Variants in DUOXA1 observed in about 807,000 individuals in gnomAD.
DUOXA1 encodes the protein dual oxidase maturation factor 1, also known as dual oxidase activator 1.
DUOXA1 carries 19 observed loss-of-function variants against 26.6 expected under a neutral mutation model. The observed-to-expected ratio is 0.71, with a 90% CI of 0.50 to 1.05. The LOEUF (loss-of-function observed/expected upper bound fraction) is 1.05. DUOXA1 is among the 50% of genes least tolerant of loss of function. The probability of loss-of-function intolerance (pLI) is 0.00; values close to 1 mark genes in which losing one functional copy is unlikely to be tolerated. For synonymous variants in DUOXA1, 166 were observed against 177.0 expected (o/e 0.94, Z 0.49); for missense variants, 403 against 427.5 (o/e 0.94, Z 0.51).
At chr15:45,119,709 C>T (rs979096913) in intron 8 of DUOXA1, among the ~76,000 whole-genome samples, 2 of 151,836 alleles carry the variant, frequency 1.3e-5, no homozygotes, top group African/African-American at 2.4e-5. Flanking sequence ...GAGTAGACAG[C>T]GGGACAGGAG....
intron 3 of DUOXA1, among the ~76,000 whole-genome samples, chr15:45,124,160 A>C (rs1486842137): frequency 6.6e-6 from 1 of 152,204 alleles, no homozygotes; most frequent in East Asian, 1.9e-4. Context: ...CTGACCACAC[A>C]TTGTCTTATT....
At chr15:45,122,341 G>C (rs1263533127) in intron 4 of DUOXA1, 99 bp from the exon 5 acceptor site, 2 of 1,163,896 alleles carry the variant, frequency 1.7e-6, no homozygotes, top group Non-Finnish European at 2.5e-6. Flanking sequence ...TTCTAAAGCT[G>C]AGATCACTTG....
rs1894707520 is a variant in DUOXA1, at chr15:45,117,373, T to C, written c.*1733A>G. ...CAGGATTCACACCGGGTGTGCACTTTCCAGTTTACAGAATGAATTCACATC... is the reference window on the plus strand; with the variant it reads ...CAGGATTCACACCGGGTGTGCACTTCCCAGTTTACAGAATGAATTCACATC... On this transcript the variant is annotated 3_prime_UTR_variant, in exon 9 of 9. Coordinates refer to ENST00000560572, the MANE Select transcript of DUOXA1 (RefSeq NM_001276266.2). The C allele has an allele frequency of 1.3e-5, 19 of 1,507,838 alleles. No individual in the cohort carries two copies. Among genetic ancestry groups the C allele is most frequent in the South Asian group, 5.2e-5 (4 of 76,578 alleles). The allele number at this position is 1,507,838 out of a possible 1,614,324, so 93.4% of individuals were successfully genotyped here.
chr15:45,124,081 T>A (rs1267321273), intron 3 of DUOXA1, among the ~76,000 whole-genome samples: 1 of 152,096 alleles, frequency 6.6e-6, no homozygotes, highest in African/African-American at 2.4e-5. Context: ...ATGATCCCAG[T>A]TTTCCTCATT....
At position 45,118,080 on chromosome 15, in the gene DUOXA1, A is replaced by T; in HGVS notation, c.*1026T>A. The T allele has an allele frequency of 6.5e-7, 1 of 1,528,734 alleles. No homozygotes were observed. The highest frequency in any genetic ancestry group is 8.8e-7 in the Non-Finnish European group (1 of 1,140,180). 94.7% of individuals were successfully genotyped at this position (1,528,734 alleles called of 1,614,324 possible). A position where few individuals can be genotyped will look rare whatever the true frequency, so the allele number is the denominator to read the frequency against. On this transcript the variant is annotated 3_prime_UTR_variant, in exon 9 of 9. Transcript: ENST00000560572. ...GTCTCCTGGGGCGATCTGTAAATAA[A>T]CCTTTTTTTCTTTTGTTTTTTAAAA...
intron 3 of DUOXA1, among the ~76,000 whole-genome samples, chr15:45,127,211 G>A (rs1016964559): frequency 1.3e-5 from 2 of 152,178 alleles, no homozygotes; most frequent in Non-Finnish European, 2.9e-5. Flanking sequence ...AAGAACACAT[G>A]TGATACGCTG....
rs767386270 is a variant in DUOXA1, at chr15:45,117,921, T to A, written c.*1185A>T. On this transcript the variant is annotated 3_prime_UTR_variant, in exon 9 of 9. Coordinates refer to ENST00000560572, the MANE Select transcript of DUOXA1 (RefSeq NM_001276266.2). The stretch of plus-strand genomic sequence containing the variant: ...CCACTAACCTGTGAGGGGGACCCAA[T>A]CTGGACTCCTTCCCCGCCTTGGGAC... 6.2e-6 allele frequency: 10 copies of A among 1,613,176 alleles called. No homozygotes were observed. The highest frequency in any genetic ancestry group is 5.9e-6 in the Non-Finnish European group (7 of 1,180,006).
chr15:45,119,339 C>A lies in DUOXA1; in HGVS notation c.799G>T (p.Ala267Ser). 13 of 1,613,104 alleles carry A rather than the reference C, an allele frequency of 8.1e-6. No homozygotes were observed. The highest frequency in any genetic ancestry group is 1.1e-5 in the Non-Finnish European group (13 of 1,179,410). ...TGCATCCTGTGGGCCACCGCCATAG[C>A]CAGGCCCAGCAGCACACACAGCAGT... is the stretch of plus-strand genomic sequence containing the variant. ...TGLLCVLLGL[A>S]MAVAHRMQPH... Residue 267 changes from alanine to serine, a missense_variant, in exon 9 of 9, where the codon GCT becomes TCT. Ala to Ser is a moderately conservative substitution (Grantham distance 99, BLOSUM62 1). Transcript: ENST00000560572.
chr15:45,117,963 C>T lies in DUOXA1; in HGVS notation c.*1143G>A, dbSNP rs1366657998. ...CCTTGGGACATCGCAGGCCGGGAAG[C>T]AGTGCCCGCCAGGCCTGGGCCAGGA... On this transcript the variant is annotated 3_prime_UTR_variant, in exon 9 of 9. Coordinates refer to ENST00000560572, the MANE Select transcript of DUOXA1 (RefSeq NM_001276266.2). 26 of 1,612,726 alleles carry T rather than the reference C, an allele frequency of 1.6e-5. No homozygotes were observed. In the Middle Eastern group the frequency reaches 2.5e-3, roughly 154 times the overall value.
At position 45,119,104 on chromosome 15, in the gene DUOXA1, T is replaced by C. The variant is rs1894889157; in HGVS notation, c.*2A>G. The stretch of plus-strand genomic sequence containing the variant: ...TCCAGGTGGCCTCCACGGGGAGGAA[T>C]GTTATAAAGCACAATCAGGATCTTT... On this transcript the variant is annotated 3_prime_UTR_variant, in exon 9 of 9. Transcript: ENST00000560572. 5 of 1,572,004 alleles carry C rather than the reference T, an allele frequency of 3.2e-6. No individual in the cohort carries two copies. The East Asian group carries it at 1.1e-4, about 36-fold the overall frequency.
In DUOXA1 at chr15:45,129,605, C is replaced by G. The variant is rs1048927719; in HGVS notation, c.-292G>C. On this transcript the variant is annotated 5_prime_UTR_variant, in exon 2 of 9. Coordinates refer to ENST00000560572, the MANE Select transcript of DUOXA1 (RefSeq NM_001276266.2). This position sits in a 1 kb window ranked among gnomAD's most constrained non-coding sequence, Gnocchi z 4.1. ...GTCGGATGGGTGACTTGCTTTGACGCCTGGCCTGGTCTGTGGGTGGCAGGT... is the reference window on the plus strand; with the variant it reads ...GTCGGATGGGTGACTTGCTTTGACGGCTGGCCTGGTCTGTGGGTGGCAGGT... The G allele has an allele frequency of 1.3e-5, 2 of 153,238 alleles. No individual in the cohort carries two copies. The highest frequency in any genetic ancestry group is 6.5e-5 in the Admixed American group (1 of 15,296). 9.5% of individuals were successfully genotyped at this position (153,238 alleles called of 1,614,324 possible).
Position 45,118,907 on chromosome 15 carries a change from C to T in DUOXA1, c.*199G>A, listed in dbSNP as rs1894870404. On this transcript the variant is annotated 3_prime_UTR_variant, in exon 9 of 9. Coordinates refer to ENST00000560572, the MANE Select transcript of DUOXA1 (RefSeq NM_001276266.2). ...CAGGCTTTATGGACAGGCCCAGCAT[C>T]TCTTCAGTCCCTTAGGGCTTTTTGT... 1 of 1,297,714 alleles carries T rather than the reference C, an allele frequency of 7.7e-7. No individual in the cohort carries two copies. The highest frequency in any genetic ancestry group is 9.8e-7 in the Non-Finnish European group (1 of 1,024,762). 80.4% of individuals were successfully genotyped at this position (1,297,714 alleles called of 1,614,324 possible).
chr15:45,121,148 C>T lies in DUOXA1; in HGVS notation c.279G>A (p.Glu93=). ...TNTSYKAFSS[E]WISADIGLQV... is the part of the protein sequence containing the mutation. The stretch of plus-strand genomic sequence containing the variant: ...GCAGCCCAATATCAGCGCTGATCCA[C>T]TCAGAACTGAAGGCCTTGTATGATG... Residue 93 remains glutamate, a synonymous_variant, in exon 6 of 9, where the codon GAG becomes GAA. Transcript: ENST00000560572. 1 of 1,614,226 alleles carries T rather than the reference C, an allele frequency of 6.2e-7. No individual in the cohort carries two copies. The highest frequency in any genetic ancestry group is 1.3e-5 in the African/African-American group (1 of 75,052).
chr15:45,117,918 C>T lies in DUOXA1; in HGVS notation c.*1188G>A, dbSNP rs1444752602. The T allele has an allele frequency of 1.2e-6, 2 of 1,613,146 alleles. No homozygotes were observed. The highest frequency in any genetic ancestry group is 1.7e-6 in the Non-Finnish European group (2 of 1,180,026). Reference sequence around the variant, plus strand: ...TCACCACTAACCTGTGAGGGGGACCCAATCTGGACTCCTTCCCCGCCTTGG... The same window carrying T: ...TCACCACTAACCTGTGAGGGGGACCTAATCTGGACTCCTTCCCCGCCTTGG... On this transcript the variant is annotated 3_prime_UTR_variant, in exon 9 of 9. Transcript: ENST00000560572.
At chr15:45,125,226 C>T (rs1318665370) in intron 3 of DUOXA1, among the ~76,000 whole-genome samples, 1 of 152,220 alleles carries the variant, frequency 6.6e-6, no homozygotes, top group East Asian at 1.9e-4. Context: ...CGTCTCTCTT[C>T]TCTCCTATTC....
Position 45,118,532 on chromosome 15 carries a change from A to C in DUOXA1, c.*574T>G. On this transcript the variant is annotated 3_prime_UTR_variant, in exon 9 of 9. Transcript: ENST00000560572. Reference sequence around the variant, plus strand: ...CTTGGCAAGTCTTGCAATCTTATGTAGCAAATTTGGGAACTGAAGCTCAAA... The same window carrying C: ...CTTGGCAAGTCTTGCAATCTTATGTCGCAAATTTGGGAACTGAAGCTCAAA... 1.0e-6 allele frequency: 1 copy of C among 993,090 alleles called. No individual in the cohort carries two copies. Among genetic ancestry groups the C allele is most frequent in the Non-Finnish European group, 1.2e-6 (1 of 835,292 alleles). The allele number at this position is 993,090 out of a possible 1,614,324, so 61.5% of individuals were successfully genotyped here.
rs190831146 is a variant in DUOXA1 at position 45,119,578 on chromosome 15, T to C, written c.773-213A>G. Reference sequence around the variant, plus strand: ...ACTCCAAGCCCAGTGCTCCTTCTGTTATATCCCGGGAGAGAGAGAGAGAGA... The same window carrying C: ...ACTCCAAGCCCAGTGCTCCTTCTGTCATATCCCGGGAGAGAGAGAGAGAGA... On this transcript the variant is annotated intron_variant, in intron 8 of 8. Transcript: ENST00000560572. 5.5e-3 allele frequency among the ~76,000 whole-genome samples: 839 copies of C among 151,350 alleles called. 5 individuals are homozygous for C. Among genetic ancestry groups the C allele is most frequent in the Non-Finnish European group, 9.2e-3 (625 of 67,886 alleles).
chr15:45,128,520 A>C (rs1365242), intron 3 of DUOXA1, among the ~76,000 whole-genome samples: 95,285 of 152,104 alleles, frequency 0.63, 32,070 homozygotes, highest in African/African-American at 0.87. Flanking sequence ...AGCTAAGGGG[A>C]CCCTGTCAGG....
In DUOXA1 at chr15:45,119,111, A is replaced by C. The variant is rs367665353; in HGVS notation, c.1027T>G (p.Leu343Val). The C allele has an allele frequency of 2.4e-5, 38 of 1,580,304 alleles. No homozygotes were observed. Among genetic ancestry groups the C allele is most frequent in the Non-Finnish European group, 3.0e-5 (35 of 1,155,340 alleles). Reference protein sequence around the residue: ...EAHPKDPDCAL With the variant: ...EAHPKDPDCAV ...GGCCTCCACGGGGAGGAATGTTATA[A>C]AGCACAATCAGGATCTTTGGGGTGT... Residue 343 changes from leucine to valine, a missense_variant, in exon 9 of 9, where the codon TTA becomes GTA. Transcript: ENST00000560572.
Sources: gnomAD v4.1 joint callset for allele counts (sites outside exome capture counted in the v4.1 genomes callset) on GRCh38, gnomAD v4.1.1 for gene constraint, Gnocchi (gnomAD v3.1) non-coding constraint, MANE v1.5 for transcripts, NCBI Gene and HGNC (gene_info 2026-07-23, HGNC 2026-07-21) for gene names.